UBN2: variants seen among roughly 807,000 people sequenced by gnomAD.
The protein encoded by UBN2 is ubinuclein-2.
Under a neutral mutation model 120.2 loss-of-function variants are expected in UBN2, and 35 were observed. The ratio of observed to expected loss-of-function variants is 0.29; its 90% CI spans 0.22 to 0.39. The LOEUF (loss-of-function observed/expected upper bound fraction) is 0.39, where lower values mean the gene tolerates loss of function less well. Among genes scored for constraint, UBN2 ranks in the 10% least tolerant of loss-of-function variants. The pLI is 1.00. For synonymous variants in UBN2, 661 were observed against 648.7 expected, an observed-to-expected ratio of 1.02 and a Z score of -0.29; for missense variants, 1,693 against 1,663.2, an observed-to-expected ratio of 1.02 and a Z score of -0.31.
At chr7:139,267,732 A>C (rs1034733930) in intron 7 of UBN2, among the ~76,000 whole-genome samples, 2 of 152,206 alleles carry the variant, frequency 1.3e-5, no homozygotes, top group Non-Finnish European at 1.5e-5. Context: ...TGGAGTGCTT[A>C]AAAATAGACT....
In UBN2 at chr7:139,293,387, C is replaced by T; in HGVS notation, c.3825C>T (p.Gly1275=). The change falls in exon 16 of 18, where the codon GGC becomes GGT. Residue 1275 remains glycine, a synonymous_variant. Transcript: ENST00000473989. ...MPFQFPLEIF[G]FGTDTAGVTT... ...TCCAGTTTCCCTTGGAGATATTTGGCTTTGGAACGGACACAGCTGGAGTGA... is the reference window on the plus strand; with the variant it reads ...TCCAGTTTCCCTTGGAGATATTTGGTTTTGGAACGGACACAGCTGGAGTGA... 6.2e-7 allele frequency: 1 copy of T among 1,614,126 alleles called. No individual in the cohort carries two copies. Among genetic ancestry groups the T allele is most frequent in the Non-Finnish European group, 8.5e-7 (1 of 1,180,008 alleles).
chr7:139,273,887 G>C, intron 10 of UBN2, 44 bp from the exon 11 acceptor site: 1 of 1,513,104 alleles, frequency 6.6e-7, no homozygotes. Context: ...CCAAATGTAT[G>C]TTCTTCTAAA....
chr7:139,258,486 A>G lies in UBN2; in HGVS notation c.664-2A>G. On this transcript the variant is annotated splice_acceptor_variant, in intron 3 of 17. Transcript: ENST00000473989. LOFTEE classifies it high-confidence loss of function. ...CGGAAACTTTTTTGTTTTTTAATCT[A>G]GTATGATGAATTAGTTCCCGCTTCT... The G allele has an allele frequency of 6.3e-7, 1 of 1,580,754 alleles. No homozygotes were observed. The highest frequency in any genetic ancestry group is 8.6e-7 in the Non-Finnish European group (1 of 1,162,342).
chr7:139,302,897 T>C lies in UBN2; in HGVS notation c.*5061T>C, dbSNP rs1455264880. ...CTCTTTAAACTTGGCATAAGTAATA[T>C]AGGAGACAGCATTGGAATAACAAGA... On this transcript the variant is annotated 3_prime_UTR_variant, in exon 18 of 18. Coordinates refer to ENST00000473989, the MANE Select transcript of UBN2 (RefSeq NM_173569.4). 2 of 152,100 alleles carry C rather than the reference T, an allele frequency of 1.3e-5. No homozygotes were observed. The highest frequency in any genetic ancestry group is 2.4e-5 in the African/African-American group (1 of 41,396). The allele number at this position is 152,100 out of a possible 1,614,324, so 9.4% of individuals were successfully genotyped here.
intron 15 of UBN2, among the ~76,000 whole-genome samples, chr7:139,291,658 C>G (rs1254780429): frequency 1.3e-5 from 2 of 151,894 alleles, no homozygotes; most frequent in Non-Finnish European, 2.9e-5. Flanking sequence ...GGAGGCTAGC[C>G]TGAGCAACAC....
At chr7:139,312,850 T>G (rs1798466287), downstream of UBN2, among the ~76,000 whole-genome samples, 1 of 152,202 alleles carries the variant, frequency 6.6e-6, no homozygotes, top group Non-Finnish European at 1.5e-5. Context: ...GGATCCAGCT[T>G]TATTTTTCTG....
the UBN2 span, among the ~76,000 whole-genome samples, chr7:139,317,414 G>A: frequency 6.6e-5 from 10 of 151,372 alleles, no homozygotes; most frequent in African/African-American, 2.2e-4. Context: ...AAAACTTCAC[G>A]TTTTTTCTTT....
In UBN2 at chr7:139,298,144, C is replaced by A; in HGVS notation, c.*308C>A. ...ACAGAAATACAAATTTGATTTTTCC[C>A]GGGGGAGGAAGAAGGAAGTGAAGAG... On this transcript the variant is annotated 3_prime_UTR_variant, in exon 18 of 18. Transcript: ENST00000473989. The A allele has an allele frequency of 3.7e-6, 1 of 267,100 alleles. No individual in the cohort carries two copies. The highest frequency in any genetic ancestry group is 9.3e-5 in the South Asian group (1 of 10,772). 16.5% of individuals were successfully genotyped at this position (267,100 alleles called of 1,614,324 possible).
At chr7:139,317,953 G>C in the UBN2 span, among the ~76,000 whole-genome samples, 32 of 152,082 alleles carry the variant, frequency 2.1e-4, no homozygotes, top group Non-Finnish European at 3.7e-4. Context: ...ATGAGCCACC[G>C]CACGCAGCCC....
At chr7:139,259,575 T>C (rs1238570408) in intron 5 of UBN2, among the ~76,000 whole-genome samples, 1 of 152,220 alleles carries the variant, frequency 6.6e-6, no homozygotes, top group African/African-American at 2.4e-5. Flanking sequence ...CCTAGTGTTT[T>C]AGGTGAAATG....
intron 7 of UBN2, among the ~76,000 whole-genome samples, chr7:139,268,179 T>C (rs554890836): frequency 6.6e-6 from 1 of 152,228 alleles, no homozygotes; most frequent in Non-Finnish European, 1.5e-5. Flanking sequence ...CTTTCCTGTT[T>C]ATTCCTCTCA....
At chr7:139,271,521 G>A (rs989526027) in intron 8 of UBN2, among the ~76,000 whole-genome samples, 2 of 151,946 alleles carry the variant, frequency 1.3e-5, no homozygotes, top group Non-Finnish European at 2.9e-5. Context: ...AGAAGGCGGA[G>A]GTTGCAGTGA....
chr7:139,260,554 G>A (rs1444273694), intron 5 of UBN2, among the ~76,000 whole-genome samples: 2 of 152,124 alleles, frequency 1.3e-5, no homozygotes, highest in Non-Finnish European at 2.9e-5. Flanking sequence ...AGGGAAAGAC[G>A]CTTGTGAGAG....
chr7:139,327,302 G>A, the UBN2 span, among the ~76,000 whole-genome samples: 1 of 152,256 alleles, frequency 6.6e-6, no homozygotes, highest in African/African-American at 2.4e-5. Context: ...CAAAGTGCTG[G>A]GACTACAGGC....
At chr7:139,327,810 T>C in the UBN2 span, among the ~76,000 whole-genome samples, 14 of 152,340 alleles carry the variant, frequency 9.2e-5, no homozygotes, top group East Asian at 2.1e-3. Context: ...ACAACAGTTA[T>C]TGAAGACCTA....
chr7:139,276,441 C>T (rs1487373892), intron 12 of UBN2: 1 of 401,430 alleles, frequency 2.5e-6, no homozygotes, highest in Non-Finnish European at 4.6e-6. Flanking sequence ...GTCTTTTTCT[C>T]CACCTCTTAA....
At chr7:139,318,821 G>A in the UBN2 span, among the ~76,000 whole-genome samples, 3 of 152,110 alleles carry the variant, frequency 2.0e-5, no homozygotes, top group Admixed American at 6.5e-5. Context: ...TCTGGGCCTC[G>A]AAGTTAGGAT....
At chr7:139,328,772 G>A in the UBN2 span, among the ~76,000 whole-genome samples, 4 of 151,666 alleles carry the variant, frequency 2.6e-5, no homozygotes, top group African/African-American at 7.3e-5. Flanking sequence ...GCTGAGGCAG[G>A]AGGATTGCTT....
At chr7:139,265,472 C>T (rs1311806636) in intron 6 of UBN2, among the ~76,000 whole-genome samples, 1 of 151,502 alleles carries the variant, frequency 6.6e-6, no homozygotes, top group Non-Finnish European at 1.5e-5. Context: ...AGTAAGACTC[C>T]GTCTCAAAAA....
Sources: gnomAD v4.1 joint callset for allele counts (sites outside exome capture counted in the v4.1 genomes callset) on GRCh38, gnomAD v4.1.1 for gene constraint, MANE v1.5 for transcripts, NCBI Gene and HGNC (gene_info 2026-07-23, HGNC 2026-07-21) for gene names.